The following NSMCE1 variants were observed in gnomAD, a reference collection of about 807,000 sequenced individuals.
NSMCE1 encodes NSE1 component of SMC5/6 complex, also known as non-structural maintenance of chromosomes element 1 homolog.
NSMCE1 carries 18 observed loss-of-function variants against 29.6 expected under a neutral mutation model. The observed-to-expected ratio is 0.61, with a 90% CI of 0.42 to 0.90. NSMCE1 has a LOEUF of 0.90. NSMCE1 is among the 40% of genes least tolerant of loss of function. The pLI is 0.00. For synonymous variants in NSMCE1, 124 were observed against 133.4 expected, an observed-to-expected ratio of 0.93 and a Z score of 0.49; for missense variants, 314 against 343.6, an observed-to-expected ratio of 0.91 and a Z score of 0.68.
At chr16:27,262,897 A>T (rs1445126296) in intron 1 of NSMCE1, among the ~76,000 whole-genome samples, 9 of 152,172 alleles carry the variant, frequency 5.9e-5, no homozygotes, top group African/African-American at 2.2e-4. Flanking sequence ...ATGAACCAAC[A>T]TTTTTCAAAA....
chr16:27,231,461 A>G (rs910523880), intron 5 of NSMCE1, among the ~76,000 whole-genome samples: 1 of 151,952 alleles, frequency 6.6e-6, no homozygotes, highest in Non-Finnish European at 1.5e-5. Context: ...ACATGGAGGA[A>G]CCCCGTCTCT....
chr16:27,227,670 G>T (rs1181503308), intron 5 of NSMCE1, among the ~76,000 whole-genome samples: 1 of 152,178 alleles, frequency 6.6e-6, no homozygotes, highest in Non-Finnish European at 1.5e-5. Flanking sequence ...ACCACACCAG[G>T]AGATGACGTC....
At chr16:27,229,149 G>C (rs747349663) in intron 5 of NSMCE1, among the ~76,000 whole-genome samples, 40 of 152,200 alleles carry the variant, frequency 2.6e-4, no homozygotes, top group Non-Finnish European at 5.0e-4. Context: ...AGATGGCCCT[G>C]GCCTTAGCTT....
chr16:27,248,406 CTTTTTTTTTT>C (rs756697569), intron 2 of NSMCE1, among the ~76,000 whole-genome samples: 1 of 84,770 alleles, frequency 1.2e-5, no homozygotes, highest in South Asian at 4.5e-4. Flanking sequence ...TTTTAGTTTG[CTTTTTTTTTT>C]TTTTTTTTTT....
intron 2 of NSMCE1, among the ~76,000 whole-genome samples, chr16:27,243,639 C>CTA (rs1032807181): frequency 3.3e-5 from 5 of 152,028 alleles, no homozygotes; most frequent in Non-Finnish European, 7.4e-5. Context: ...GTAACTGATA[C>CTA]TACCCTAATT....
chr16:27,235,297 T>G lies in NSMCE1; in HGVS notation c.139A>C (p.Asn47His). The change falls in exon 3 of 8, where the codon AAT becomes CAT. Residue 47 changes from asparagine to histidine, a missense_variant and splice_region_variant. By Grantham distance (68) the Asn-to-His change is moderately conservative. Transcript: ENST00000361439. ...TCCTCCAACTTATCTACGGTGGCAT[T>G]GCCTGGAAATAAACAGACCAAAAAA... ...QTHCYKVHDRNATVDKLEDFI... is the reference protein window; with the variant it reads ...QTHCYKVHDRHATVDKLEDFI... The G allele has an allele frequency of 6.2e-7, 1 of 1,613,234 alleles. No homozygotes were observed. Among genetic ancestry groups the G allele is most frequent in the Non-Finnish European group, 8.5e-7 (1 of 1,179,894 alleles).
chr16:27,257,532 A>C lies in NSMCE1; in HGVS notation c.39T>G (p.Asp13Glu). The C allele has an allele frequency of 6.2e-7, 1 of 1,613,946 alleles. No individual in the cohort carries two copies. Among genetic ancestry groups the C allele is most frequent in the Non-Finnish European group, 8.5e-7 (1 of 1,179,902 alleles). Reference protein sequence around the residue: ...GSTRRMGVMTDVHRRFLQLLM... With the variant: ...GSTRRMGVMTEVHRRFLQLLM... Reference sequence around the variant, plus strand: ...GCAACTGGAGGAAGCGCCGGTGGACATCAGTCATGACGCCCATTCTCCTTG... The same window carrying C: ...GCAACTGGAGGAAGCGCCGGTGGACCTCAGTCATGACGCCCATTCTCCTTG... Residue 13 changes from aspartate (D) to glutamate (E), a missense_variant, in exon 2 of 8, where the codon GAT (aspartate) becomes GAG (glutamate). By Grantham distance (45) the Asp-to-Glu change is conservative. Transcript: ENST00000361439.
At chr16:27,246,584 G>A (rs1482257567) in intron 2 of NSMCE1, among the ~76,000 whole-genome samples, 3 of 152,102 alleles carry the variant, frequency 2.0e-5, no homozygotes, top group Non-Finnish European at 2.9e-5. Context: ...TCTGCCTCCC[G>A]GGTTCAAGGG....
chr16:27,225,451 C>T (rs887822978), intron 7 of NSMCE1, among the ~76,000 whole-genome samples: 1 of 152,240 alleles, frequency 6.6e-6, no homozygotes, highest in Admixed American at 6.5e-5. Context: ...GCTTTCACGT[C>T]CCCCTCCTGA....
intron 2 of NSMCE1, chr16:27,241,945 T>G (rs2083900138): frequency 2.6e-6 from 1 of 389,608 alleles, no homozygotes; most frequent in Non-Finnish European, 5.3e-6. Flanking sequence ...GTCTGGCCAT[T>G]AGCTGGATGC....
At chr16:27,244,759 A>C (rs1423677226) in intron 2 of NSMCE1, among the ~76,000 whole-genome samples, 1 of 152,096 alleles carries the variant, frequency 6.6e-6, no homozygotes, top group African/African-American at 2.4e-5. Flanking sequence ...AAACTACCAC[A>C]CTGTCTGCCT....
At chr16:27,247,841 C>G (rs1320561626) in intron 2 of NSMCE1, among the ~76,000 whole-genome samples, 2 of 151,770 alleles carry the variant, frequency 1.3e-5, no homozygotes, top group African/African-American at 2.4e-5. Flanking sequence ...GGAGGAGAAT[C>G]GCTTGAACCT....
intron 2 of NSMCE1, among the ~76,000 whole-genome samples, chr16:27,235,636 T>G (rs749636044): frequency 6.6e-6 from 1 of 152,222 alleles, no homozygotes; most frequent in South Asian, 2.1e-4. Flanking sequence ...CTCAATGATG[T>G]GCTCAGAGCC....
intron 1 of NSMCE1, among the ~76,000 whole-genome samples, chr16:27,259,820 A>G (rs1410213065): frequency 6.6e-6 from 1 of 152,238 alleles, no homozygotes; most frequent in Admixed American, 6.5e-5. Flanking sequence ...AAGAGCAACA[A>G]GTAGACTGCC....
intron 2 of NSMCE1, among the ~76,000 whole-genome samples, chr16:27,245,257 C>T (rs2083943338): frequency 6.6e-6 from 1 of 152,242 alleles, no homozygotes; most frequent in African/African-American, 2.4e-5. Flanking sequence ...GAACTTTCCC[C>T]AGACCCTGGA....
intron 1 of NSMCE1, among the ~76,000 whole-genome samples, chr16:27,258,968 T>C (rs1193191362): frequency 1.3e-5 from 2 of 152,074 alleles, no homozygotes; most frequent in Non-Finnish European, 2.9e-5. Context: ...CAGGCTGGCC[T>C]CGAACTCCTG....
intron 2 of NSMCE1, among the ~76,000 whole-genome samples, chr16:27,249,226 T>C (rs1377679654): frequency 3.3e-5 from 5 of 152,220 alleles, no homozygotes; most frequent in African/African-American, 1.2e-4. Flanking sequence ...TATTTTCTCT[T>C]AGTATTTTGC....
In NSMCE1 at chr16:27,257,468, G is replaced by A. The variant is rs1444560834; in HGVS notation, c.103C>T (p.Arg35Cys). 19 of 1,613,458 alleles carry A rather than the reference G, an allele frequency of 1.2e-5. No homozygotes were observed. The highest frequency in any genetic ancestry group is 2.2e-5 in the East Asian group (1 of 44,866). The change falls in exon 2 of 8, where the codon CGC (arginine) becomes TGC (cysteine). Residue 35 changes from arginine (R) to cysteine (C), a missense_variant. Transcript: ENST00000361439. Reference sequence around the variant, plus strand: ...ACCTTGTAGCAGTGCGTCTGCAAGCGCTTCACGTCCCATTCCTCTAGCACG... The same window carrying A: ...ACCTTGTAGCAGTGCGTCTGCAAGCACTTCACGTCCCATTCCTCTAGCACG... ...HGVLEEWDVK[R>C]LQTHCYKVHD...
At chr16:27,225,945 C>T (rs1308431599) in intron 6 of NSMCE1, 99 bp from the exon 7 acceptor site, 5 of 1,414,572 alleles carry the variant, frequency 3.5e-6, no homozygotes, top group South Asian at 2.4e-5. Flanking sequence ...CAGGTGGCAT[C>T]GTGTTATCTT....
Sources: gnomAD v4.1 joint callset for allele counts (sites outside exome capture counted in the v4.1 genomes callset) on GRCh38, gnomAD v4.1.1 for gene constraint, MANE v1.5 for transcripts, NCBI Gene and HGNC (gene_info 2026-07-23, HGNC 2026-07-21) for gene names.